PHACTR1: variants seen among roughly 807,000 people sequenced by gnomAD.
The protein encoded by PHACTR1 is phosphatase and actin regulator 1.
PHACTR1 carries 16 observed loss-of-function variants against 69.2 expected under a neutral mutation model. That is an observed-to-expected ratio of 0.23 (90% CI 0.16 to 0.35). PHACTR1 has a LOEUF of 0.35. PHACTR1 is among the 10% of genes least tolerant of loss of function. The probability of loss-of-function intolerance (pLI) is 1.00; values close to 1 mark genes in which losing one functional copy is unlikely to be tolerated. For synonymous variants in PHACTR1, 312 were observed against 284.5 expected (o/e 1.10, Z -0.97); for missense variants, 510 against 734.7 (o/e 0.69, Z 3.54).
intron 4 of PHACTR1, among the ~76,000 whole-genome samples, chr6:12,892,690 A>G (rs751313623): frequency 1.2e-4 from 19 of 152,234 alleles, no homozygotes; most frequent in Non-Finnish European, 2.4e-4. Context: ...AAGGAACAGA[A>G]CAGTGCAACT....
intron 5 of PHACTR1, among the ~76,000 whole-genome samples, chr6:13,130,754 C>A (rs1820280860): frequency 6.6e-6 from 1 of 152,104 alleles, no homozygotes; most frequent in African/African-American, 2.4e-5. Flanking sequence ...ACCAATCTTA[C>A]TGAAACTATT....
intron 3 of PHACTR1, among the ~76,000 whole-genome samples, chr6:12,748,857 A>G (rs1469498168): frequency 1.3e-5 from 2 of 152,256 alleles, no homozygotes; most frequent in Admixed American, 1.3e-4. Context: ...CCTACTTTAC[A>G]TTCAAAATAC....
rs549290770 is a variant in PHACTR1, at chr6:12,838,931, G to A, written c.250+89141G>A. 1.3e-3 allele frequency among the ~76,000 whole-genome samples: 204 copies of A among 152,280 alleles called. 1 individual carries two copies. The highest frequency in any genetic ancestry group is 4.6e-3 in the African/African-American group (191 of 41,558). On this transcript the variant is annotated intron_variant, in intron 4 of 14. Coordinates refer to ENST00000332995, the MANE Select transcript of PHACTR1 (RefSeq NM_030948.6). Reference sequence around the variant, plus strand: ...GTTGGGGTCTTTAAATTATAAGGCTGTTGCTGCTGCTGATGCTGCTGCCAA... The same window carrying A: ...GTTGGGGTCTTTAAATTATAAGGCTATTGCTGCTGCTGATGCTGCTGCCAA...
chr6:12,750,007 C>A (rs774329963), intron 4 of PHACTR1, among the ~76,000 whole-genome samples: 8 of 152,174 alleles, frequency 5.3e-5, no homozygotes, highest in Non-Finnish European at 1.0e-4. Flanking sequence ...CCGAGTCCCA[C>A]GCGGGCTTCC....
intron 4 of PHACTR1, among the ~76,000 whole-genome samples, chr6:12,912,773 C>A (rs994283489): frequency 2.0e-5 from 3 of 152,052 alleles, no homozygotes; most frequent in Non-Finnish European, 4.4e-5. Context: ...GGCAATATGG[C>A]AAAACCCCAT....
intron 5 of PHACTR1, among the ~76,000 whole-genome samples, chr6:13,141,776 A>G (rs940499411): frequency 8.5e-6 from 1 of 117,220 alleles, no homozygotes; most frequent in Admixed American, 1.0e-4. Flanking sequence ...TTTCAATTGC[A>G]GTTAGGGTAA....
intron 4 of PHACTR1, among the ~76,000 whole-genome samples, chr6:12,903,492 CCTT>C (rs1350554331): frequency 3.3e-5 from 5 of 152,196 alleles, no homozygotes; most frequent in African/African-American, 1.2e-4. Flanking sequence ...TGGACTCCAT[CCTT>C]CTTGACATGG....
At chr6:12,869,771 C>A (rs1410589648) in intron 4 of PHACTR1, among the ~76,000 whole-genome samples, 4 of 152,176 alleles carry the variant, frequency 2.6e-5, no homozygotes, top group African/African-American at 9.7e-5. Context: ...CTCTTTTTAG[C>A]CACCTCTTTT....
chr6:12,976,735 C>T (rs1794920764), intron 4 of PHACTR1, among the ~76,000 whole-genome samples: 1 of 152,206 alleles, frequency 6.6e-6, no homozygotes, highest in African/African-American at 2.4e-5. Context: ...TCTGGTGTCT[C>T]TCCTGAAGAT....
At chr6:12,731,938 A>G (rs1201809371) in intron 3 of PHACTR1, among the ~76,000 whole-genome samples, 1 of 151,520 alleles carries the variant, frequency 6.6e-6, no homozygotes, top group Non-Finnish European at 1.5e-5. Flanking sequence ...ATTTTATGTC[A>G]TTATACTCAG....
intron 5 of PHACTR1, among the ~76,000 whole-genome samples, chr6:13,153,624 C>T (rs1216753482): frequency 6.6e-6 from 1 of 152,204 alleles, no homozygotes; most frequent in Non-Finnish European, 1.5e-5. Context: ...CAGTTGCCAG[C>T]ATCACATTGT....
chr6:13,147,199 G>A (rs576611482), intron 5 of PHACTR1, among the ~76,000 whole-genome samples: 11 of 152,262 alleles, frequency 7.2e-5, no homozygotes, highest in African/African-American at 1.9e-4. Context: ...AAATGGAGAC[G>A]GAATTATTTC....
At chr6:12,834,982 C>T (rs1027239177) in intron 4 of PHACTR1, among the ~76,000 whole-genome samples, 1 of 152,088 alleles carries the variant, frequency 6.6e-6, no homozygotes, top group Non-Finnish European at 1.5e-5. Context: ...TTTATTTGTG[C>T]CTCACAACCA....
At chr6:13,121,431 T>C (rs1241602113) in intron 5 of PHACTR1, among the ~76,000 whole-genome samples, 2 of 152,186 alleles carry the variant, frequency 1.3e-5, no homozygotes, top group Non-Finnish European at 1.5e-5. Context: ...AGGTCACGTC[T>C]TCTCATATTA....
At chr6:12,826,273 G>A (rs1022503253) in intron 4 of PHACTR1, among the ~76,000 whole-genome samples, 3 of 152,172 alleles carry the variant, frequency 2.0e-5, no homozygotes, top group African/African-American at 7.2e-5. Flanking sequence ...AATTTAAAAT[G>A]TGTCTCCCCC....
At chr6:13,255,484 T>G (rs1280832966) in intron 10 of PHACTR1, among the ~76,000 whole-genome samples, 1 of 152,182 alleles carries the variant, frequency 6.6e-6, no homozygotes, top group Non-Finnish European at 1.5e-5. Context: ...CTTCACTCAT[T>G]CCAACATTAA....
intron 4 of PHACTR1, among the ~76,000 whole-genome samples, chr6:12,914,730 A>C (rs1786782350): frequency 6.6e-6 from 1 of 152,226 alleles, no homozygotes; most frequent in Non-Finnish European, 1.5e-5. Context: ...AAAAGGAACA[A>C]TATTAAAAAA....
chr6:13,014,042 C>G lies in PHACTR1; in HGVS notation c.251-39323C>G, dbSNP rs376897743. On this transcript the variant is annotated intron_variant, in intron 4 of 14. Transcript: ENST00000332995. ...AGCCCCTGAAGGAGCCCGCCCCCAA[C>G]AACAACAACAACGTGTCCTTTGTGA... 5.2e-4 allele frequency among the ~76,000 whole-genome samples: 79 copies of G among 152,094 alleles called. No individual in the cohort carries two copies. In the East Asian group the frequency reaches 0.011, roughly 21 times the overall value.
chr6:13,256,711 A>C (rs910243438), intron 10 of PHACTR1, among the ~76,000 whole-genome samples: 10 of 152,220 alleles, frequency 6.6e-5, no homozygotes, highest in Non-Finnish European at 1.5e-4. Context: ...ACTAAAGCAT[A>C]ACAGAAGTGA....
Sources: gnomAD v4.1 joint callset for allele counts (sites outside exome capture counted in the v4.1 genomes callset) on GRCh38, gnomAD v4.1.1 for gene constraint, MANE v1.5 for transcripts, NCBI Gene and HGNC (gene_info 2026-07-23, HGNC 2026-07-21) for gene names.